Variants in THRB observed in about 807,000 individuals in gnomAD.
THRB encodes nuclear receptor subfamily 1 group A member 2.
A neutral mutation model predicts 47.8 loss-of-function variants in THRB; 12 were observed. The ratio of observed to expected loss-of-function variants is 0.25; its 90% confidence interval spans 0.16 to 0.41. THRB has a LOEUF of 0.41. Among genes scored for constraint, THRB ranks in the 10% least tolerant of loss-of-function variants. THRB has a pLI of 1.00. For missense variants in THRB, 348 were observed against 589.2 expected (o/e 0.59, Z 4.24); for synonymous variants, 218 against 212.2 (o/e 1.03, Z -0.24).
At chr3:24,323,345 T>G (rs143983918) in intron 2 of THRB, among the ~76,000 whole-genome samples, 304 of 152,166 alleles carry the variant, frequency 2.0e-3, no homozygotes, top group African/African-American at 7.1e-3. Context: ...GCTCTGTTTG[T>G]TTTCAAATAG....
At chr3:24,140,762 C>T (rs1305225273) in intron 8 of THRB, among the ~76,000 whole-genome samples, 1 of 152,174 alleles carries the variant, frequency 6.6e-6, no homozygotes, top group African/African-American at 2.4e-5. Flanking sequence ...GAGAGGGGAA[C>T]AGACTCTACC....
intron 1 of THRB, among the ~76,000 whole-genome samples, chr3:24,438,718 T>C (rs184547680): frequency 1.0e-3 from 154 of 152,148 alleles, no homozygotes; most frequent in Middle Eastern, 3.4e-3. Flanking sequence ...CTTTACTTAG[T>C]TATAAAGGAG....
chr3:24,250,522 C>A (rs1409986229), intron 3 of THRB, among the ~76,000 whole-genome samples: 1 of 151,998 alleles, frequency 6.6e-6, no homozygotes, highest in Non-Finnish European at 1.5e-5. Context: ...TATAATGAGA[C>A]CTCATCTCTA....
chr3:24,488,928 T>A (rs1697716032), intron 1 of THRB, among the ~76,000 whole-genome samples: 1 of 152,182 alleles, frequency 6.6e-6, no homozygotes, highest in South Asian at 2.1e-4. Flanking sequence ...TTAGAATAAT[T>A]TTAAACATAT....
At chr3:24,488,563 T>TG (rs1257266567) in intron 1 of THRB, among the ~76,000 whole-genome samples, 5 of 152,074 alleles carry the variant, frequency 3.3e-5, no homozygotes, top group Non-Finnish European at 4.4e-5. Flanking sequence ...CCTTCTTTTT[T>TG]TTTTTTTAAT....
intron 8 of THRB, among the ~76,000 whole-genome samples, chr3:24,136,527 TTAAAAA>T (rs1451289822): frequency 2.1e-4 from 32 of 152,338 alleles, no homozygotes; most frequent in African/African-American, 7.7e-4. Flanking sequence ...TTGGAAGATG[TTAAAAA>T]TAGAGTATAA....
chr3:24,203,378 G>C (rs2044835090), intron 4 of THRB, among the ~76,000 whole-genome samples: 1 of 152,132 alleles, frequency 6.6e-6, no homozygotes, highest in Non-Finnish European at 1.5e-5. Context: ...ACTCCAGCTT[G>C]GGTGACACAG....
intron 4 of THRB, among the ~76,000 whole-genome samples, chr3:24,228,388 A>G (rs577391536): frequency 5.3e-5 from 8 of 152,296 alleles, no homozygotes; most frequent in African/African-American, 1.9e-4. Context: ...TGCTGAATGG[A>G]ATAAACAGCC....
chr3:24,314,741 C>T (rs73148380), intron 2 of THRB, among the ~76,000 whole-genome samples: 297 of 152,302 alleles, frequency 2.0e-3, no homozygotes, highest in African/African-American at 6.5e-3. Context: ...CACCCCAAAC[C>T]TTCAGCCTCT....
At chr3:24,494,090 C>G (rs909284153) in intron 1 of THRB, 2 of 152,672 alleles carry the variant, frequency 1.3e-5, no homozygotes, top group East Asian at 3.8e-4. Context: ...GAAGCCCAGT[C>G]GCCAGGCACC....
intron 2 of THRB, among the ~76,000 whole-genome samples, chr3:24,311,581 G>C (rs1027973432): frequency 6.6e-6 from 1 of 152,082 alleles, no homozygotes; most frequent in African/African-American, 2.4e-5. Context: ...ACCTGAGTCC[G>C]TATCTTAGCA....
intron 1 of THRB, among the ~76,000 whole-genome samples, chr3:24,443,391 GA>G (rs1029333700): frequency 1.3e-5 from 2 of 150,702 alleles, no homozygotes; most frequent in Non-Finnish European, 1.5e-5. Flanking sequence ...GAATTTCAGA[GA>G]AAAAAAAATT....
intron 3 of THRB, among the ~76,000 whole-genome samples, chr3:24,264,274 G>A (rs777088663): frequency 1.5e-4 from 23 of 152,090 alleles, no homozygotes; most frequent in African/African-American, 5.3e-4. Context: ...AGAAACTAGG[G>A]CCTTGAAAAG....
At chr3:24,227,191 C>G (rs2047741053) in intron 4 of THRB, among the ~76,000 whole-genome samples, 1 of 152,226 alleles carries the variant, frequency 6.6e-6, no homozygotes, top group Admixed American at 6.5e-5. Flanking sequence ...AGCACCTGCT[C>G]TCACACTGTC....
chr3:24,232,065 G>C (rs1279703800), intron 3 of THRB, among the ~76,000 whole-genome samples: 1 of 152,130 alleles, frequency 6.6e-6, no homozygotes. Flanking sequence ...GTCAGGGAAG[G>C]GTTTTCAGTT....
At chr3:24,275,850 AG>A (rs1280556276) in intron 3 of THRB, among the ~76,000 whole-genome samples, 1 of 152,148 alleles carries the variant, frequency 6.6e-6, no homozygotes, top group Non-Finnish European at 1.5e-5. Flanking sequence ...CTGATTCTAC[AG>A]TTCAGTTTCA....
chr3:24,452,791 T>C (rs976330858), intron 1 of THRB, among the ~76,000 whole-genome samples: 12 of 152,176 alleles, frequency 7.9e-5, no homozygotes, highest in Non-Finnish European at 4.4e-5. Context: ...TTTTGCTATA[T>C]CTGCAACCTC....
At chr3:24,127,416 G>A (rs1195097356) in intron 10 of THRB, 83 bp downstream of exon 10, 1 of 1,429,888 alleles carries the variant, frequency 7.0e-7, no homozygotes, top group Admixed American at 1.7e-5. Flanking sequence ...GCTAAAGGGG[G>A]ACTGAAAACT....
intron 1 of THRB, among the ~76,000 whole-genome samples, chr3:24,360,584 T>A (rs1449098554): frequency 2.6e-5 from 4 of 152,180 alleles, no homozygotes; most frequent in African/African-American, 9.6e-5. Flanking sequence ...AAAATGCTAA[T>A]GCCTGAGCAC....
Sources: gnomAD v4.1 joint callset for allele counts (sites outside exome capture counted in the v4.1 genomes callset) on GRCh38, gnomAD v4.1.1 for gene constraint, MANE v1.5 for transcripts, NCBI Gene and HGNC (gene_info 2026-07-23, HGNC 2026-07-21) for gene names.